FAM120B: variants seen among roughly 807,000 people sequenced by gnomAD.
FAM120B encodes family with sequence similarity 120 member B.
Under a neutral mutation model 96.3 loss-of-function variants are expected in FAM120B, and 83 were observed. The ratio of observed to expected loss-of-function variants is 0.86; its 90% CI spans 0.72 to 1.03. FAM120B has a LOEUF of 1.03. Ranked by LOEUF, FAM120B falls within the 50% of genes least tolerant of loss-of-function variation. FAM120B has a pLI of 0.00. For synonymous variants in FAM120B, 407 were observed against 402.7 expected, an observed-to-expected ratio of 1.01 and a Z score of -0.13; for missense variants, 1,027 against 1,121.2, an observed-to-expected ratio of 0.92 and a Z score of 1.20.
At chr6:170,353,419 A>T (rs754270052) in intron 5 of FAM120B, among the ~76,000 whole-genome samples, 6 of 152,242 alleles carry the variant, frequency 3.9e-5, no homozygotes, top group Admixed American at 2.0e-4. Flanking sequence ...CATCATCCTG[A>T]TACCAAAACC....
At chr6:170,298,869 G>C (rs932276974) in intron 1 of FAM120B, among the ~76,000 whole-genome samples, 45 of 152,174 alleles carry the variant, frequency 3.0e-4, no homozygotes, top group Admixed American at 6.5e-4. Context: ...TGGGCACCAA[G>C]GAGCCAACCA....
At chr6:170,371,174 C>T (rs1202186693) in intron 6 of FAM120B, among the ~76,000 whole-genome samples, 3 of 152,080 alleles carry the variant, frequency 2.0e-5, no homozygotes, top group Non-Finnish European at 4.4e-5. Flanking sequence ...CAGCCCCTGT[C>T]TACCACTCAT....
intron 9 of FAM120B, among the ~76,000 whole-genome samples, chr6:170,397,965 T>C (rs1778273770): frequency 7.1e-6 from 1 of 140,346 alleles, no homozygotes; most frequent in Admixed American, 7.5e-5. Context: ...AAGGAGACCT[T>C]CTGCTTACCC....
intron 5 of FAM120B, among the ~76,000 whole-genome samples, chr6:170,352,384 A>G (rs1317666375): frequency 6.6e-6 from 1 of 152,218 alleles, no homozygotes; most frequent in Non-Finnish European, 1.5e-5. Context: ...CAGAAAATTA[A>G]TAAAGACATT....
intron 6 of FAM120B, among the ~76,000 whole-genome samples, chr6:170,361,258 G>GTATATATATATACGTA (rs1276422955): frequency 1.8e-5 from 2 of 112,074 alleles, no homozygotes; most frequent in African/African-American, 7.0e-5. Context: ...ATATATACGT[G>GTATATATATATACGTA]TATATATATA....
intron 4 of FAM120B, among the ~76,000 whole-genome samples, chr6:170,339,778 CAAAAAA>C (rs35932232): frequency 1.1e-5 from 1 of 90,262 alleles, no homozygotes; most frequent in Non-Finnish European, 2.3e-5. Flanking sequence ...GACTCCATCT[CAAAAAA>C]AAAAAAAAAA....
intron 6 of FAM120B, among the ~76,000 whole-genome samples, chr6:170,366,529 C>T (rs1467229168): frequency 6.6e-6 from 1 of 152,176 alleles, no homozygotes; most frequent in African/African-American, 2.4e-5. Flanking sequence ...GTGGGGTTCC[C>T]CTGGTGGCCT....
At position 170,406,741 on chromosome 6, in the gene FAM120B, C is replaced by T. The variant is rs929515610; in HGVS notation, c.*1990C>T. 1 of 152,106 alleles carries T rather than the reference C, an allele frequency of 6.6e-6. No individual in the cohort carries two copies. The highest frequency in any genetic ancestry group is 1.5e-5 in the Non-Finnish European group (1 of 68,020). The allele number at this position is 152,106 out of a possible 1,614,324, so 9.4% of individuals were successfully genotyped here. A position where few individuals can be genotyped will look rare whatever the true frequency, so the allele number is the denominator to read the frequency against. On this transcript the variant is annotated 3_prime_UTR_variant, in exon 11 of 11. Transcript: ENST00000476287. ...TCTTCCATTTTTGCTCATTTGAAAC[C>T]CCTGCTGCTTCTAGATCTATTTCTT...
At chr6:170,320,127 A>G (rs746329068) in intron 2 of FAM120B, among the ~76,000 whole-genome samples, 8 of 152,150 alleles carry the variant, frequency 5.3e-5, no homozygotes, top group Non-Finnish European at 7.4e-5. Context: ...TTCTAAACCA[A>G]ACTTAACTAT....
At chr6:170,304,390 G>A (rs1445690848), upstream of FAM120B, among the ~76,000 whole-genome samples, 2 of 152,176 alleles carry the variant, frequency 1.3e-5, no homozygotes, top group African/African-American at 4.8e-5. Flanking sequence ...TGAATGCTGT[G>A]GCGATGTGCC....
chr6:170,292,285 C>A (rs1783899800), upstream of FAM120B, among the ~76,000 whole-genome samples: 1 of 152,312 alleles, frequency 6.6e-6, no homozygotes, highest in East Asian at 1.9e-4. This position sits in a 1 kb window ranked among gnomAD's most constrained non-coding sequence, Gnocchi z 6.6. Context: ...CGAGAACACA[C>A]GTATGACACA....
rs757584472 is a variant in FAM120B at position 170,388,331 on chromosome 6, C to T, written c.2328C>T (p.Leu776=). 15 of 1,614,056 alleles carry T rather than the reference C, an allele frequency of 9.3e-6. No homozygotes were observed. Among genetic ancestry groups the T allele is most frequent in the Admixed American group, 5.0e-5 (3 of 60,000 alleles). ...GAGCCGTGCAGCTGGGCTCCCTTCT[C>T]GTCCGCGGCCTCACCACTCTGGTTT... ...NPRAVQLGSL[L]VRGLTTLVLV... is the part of the protein sequence containing the mutation. Residue 776 remains leucine (L), a synonymous_variant, in exon 7 of 11, where the codon CTC becomes CTT. Coordinates refer to ENST00000476287, the MANE Select transcript of FAM120B (RefSeq NM_032448.3).
rs182014165 is a variant in FAM120B, at chr6:170,300,135, T to G, written c.48+4682T>G. Among the ~76,000 whole-genome samples, 961 of 152,338 alleles carry G rather than the reference T, an allele frequency of 6.3e-3. 9 individuals are homozygous for G. The highest frequency in any genetic ancestry group is 0.022 in the African/African-American group (902 of 41,566). Reference sequence around the variant, plus strand: ...CTGCTAATAAAGACATACTTGAGACTGGGTAATTTATAAAGGGAAGAGGTT... The same window carrying G: ...CTGCTAATAAAGACATACTTGAGACGGGGTAATTTATAAAGGGAAGAGGTT... On this transcript the variant is annotated intron_variant, in intron 1 of 10. Transcript: ENST00000537664.
chr6:170,334,573 T>C (rs1032623439), intron 4 of FAM120B, among the ~76,000 whole-genome samples: 52 of 149,326 alleles, frequency 3.5e-4, no homozygotes, highest in Admixed American at 5.4e-4. Flanking sequence ...TGTGTGTGTG[T>C]GCACATGCCC....
Position 170,318,359 on chromosome 6 carries a change from T to C in FAM120B, c.969T>C (p.Thr323=). The C allele has an allele frequency of 6.2e-7, 1 of 1,614,208 alleles. No individual in the cohort carries two copies. The highest frequency in any genetic ancestry group is 8.5e-7 in the Non-Finnish European group (1 of 1,180,048). Residue 323 remains threonine, a synonymous_variant, in exon 2 of 11, where the codon ACT becomes ACC. Transcript: ENST00000476287. ...WFFQKPKGVI[T]LDKQVISTSS... ...TCCAAAAACCCAAAGGTGTAATAACTTTGGACAAACAAGTAATATCCACGA... is the reference window on the plus strand; with the variant it reads ...TCCAAAAACCCAAAGGTGTAATAACCTTGGACAAACAAGTAATATCCACGA...
intron 6 of FAM120B, among the ~76,000 whole-genome samples, chr6:170,376,805 A>G (rs1180436735): frequency 6.6e-6 from 1 of 152,188 alleles, no homozygotes; most frequent in African/African-American, 2.4e-5. Context: ...CTGCTTGGTA[A>G]GAAATAGAAG....
At chr6:170,293,638 C>T (rs1294248744), upstream of FAM120B, among the ~76,000 whole-genome samples, 1 of 152,014 alleles carries the variant, frequency 6.6e-6, no homozygotes, top group African/African-American at 2.4e-5. Flanking sequence ...TTTTCTTCTT[C>T]TCCCTCTCCT....
chr6:170,324,891 T>A (rs1785497479), intron 3 of FAM120B, among the ~76,000 whole-genome samples: 1 of 152,266 alleles, frequency 6.6e-6, no homozygotes, highest in Admixed American at 6.5e-5. Flanking sequence ...CATTTGTAGT[T>A]GAAAATGTTG....
chr6:170,320,256 C>T (rs990460662), intron 2 of FAM120B, among the ~76,000 whole-genome samples: 5 of 152,146 alleles, frequency 3.3e-5, no homozygotes, highest in African/African-American at 4.8e-5. Flanking sequence ...AACTCAGGCC[C>T]GGACAGCAGC....
Sources: allele counts gnomAD v4.1 joint callset (sites outside exome capture counted in the v4.1 genomes callset), GRCh38; gene constraint gnomAD v4.1.1; non-coding constraint Gnocchi (gnomAD v3.1); transcripts MANE v1.5; gene names NCBI Gene and HGNC (gene_info 2026-07-23, HGNC 2026-07-21).